PHLPP2: variants seen among roughly 807,000 people sequenced by gnomAD.
PHLPP2 encodes PH domain and leucine rich repeat protein phosphatase 2, also known as PH domain leucine-rich repeat-containing protein phosphatase 2.
A neutral mutation model predicts 124.9 loss-of-function variants in PHLPP2; 66 were observed. That is an observed-to-expected ratio of 0.53 (90% CI 0.43 to 0.65). PHLPP2 has a LOEUF of 0.65. PHLPP2 is among the 30% of genes least tolerant of loss of function. The pLI is 0.00. For synonymous variants in PHLPP2, 681 were observed against 624.7 expected, an observed-to-expected ratio of 1.09 and a Z score of -1.34; for missense variants, 1,685 against 1,600.4, an observed-to-expected ratio of 1.05 and a Z score of -0.90.
Position 71,648,874 on chromosome 16 carries a change from G to A in PHLPP2, c.*16C>T. 1.3e-6 allele frequency: 2 copies of A among 1,592,446 alleles called. No individual in the cohort carries two copies. The highest frequency in any genetic ancestry group is 8.6e-7 in the Non-Finnish European group (1 of 1,162,784). ...ACCCTGCACAGCCTCCTCCCACACT[G>A]TGCCCAGTGGGGCAGTCATAGTGCT... On this transcript the variant is annotated 3_prime_UTR_variant, in exon 19 of 19. Coordinates refer to ENST00000568954, the MANE Select transcript of PHLPP2 (RefSeq NM_015020.3).
chr16:71,698,382 G>A (rs1280097014), intron 3 of PHLPP2, among the ~76,000 whole-genome samples: 2 of 152,136 alleles, frequency 1.3e-5, no homozygotes, highest in Non-Finnish European at 2.9e-5. Flanking sequence ...ACTTCAACTT[G>A]GCCCTACATA....
At chr16:71,674,971 T>G (rs1430175132) in intron 9 of PHLPP2, among the ~76,000 whole-genome samples, 1 of 152,238 alleles carries the variant, frequency 6.6e-6, no homozygotes, top group Non-Finnish European at 1.5e-5. Flanking sequence ...CACTCCAGCC[T>G]GGGCAACAGA....
At chr16:71,675,893 G>T (rs556110436) in intron 9 of PHLPP2, among the ~76,000 whole-genome samples, 1 of 151,988 alleles carries the variant, frequency 6.6e-6, no homozygotes, top group African/African-American at 2.4e-5. Flanking sequence ...GCTAACTTTT[G>T]TATTTTTTGT....
chr16:71,722,839 T>C (rs567602896), intron 1 of PHLPP2, among the ~76,000 whole-genome samples: 3 of 152,240 alleles, frequency 2.0e-5, no homozygotes, highest in Non-Finnish European at 4.4e-5. Flanking sequence ...CAAATGCTAG[T>C]AAAAAACTCC....
chr16:71,654,277 GACAA>G (rs1405340446), intron 17 of PHLPP2, among the ~76,000 whole-genome samples: 2 of 146,694 alleles, frequency 1.4e-5, no homozygotes, highest in Non-Finnish European at 3.0e-5. Context: ...TATACAAGTT[GACAA>G]ACAACCTCTC....
chr16:71,703,303 T>C (rs1444449196), intron 2 of PHLPP2, among the ~76,000 whole-genome samples: 1 of 152,240 alleles, frequency 6.6e-6, no homozygotes, highest in Non-Finnish European at 1.5e-5. Context: ...ACATGTGTTA[T>C]ATCTATTGAT....
intron 6 of PHLPP2, 34 bp from the exon 7 acceptor site, chr16:71,679,569 T>G: frequency 6.4e-7 from 1 of 1,569,060 alleles, no homozygotes; most frequent in Non-Finnish European, 8.8e-7. Context: ...GTATTGCATT[T>G]CAATACATCT....
At chr16:71,699,390 A>G (rs1375870391) in intron 3 of PHLPP2, among the ~76,000 whole-genome samples, 1 of 152,048 alleles carries the variant, frequency 6.6e-6, no homozygotes, top group Admixed American at 6.6e-5. Context: ...AAGACCCCAG[A>G]CTCAGCGAGC....
At position 71,647,701 on chromosome 16, in the gene PHLPP2, G is replaced by A. The variant is rs149295364; in HGVS notation, c.*1189C>T. On this transcript the variant is annotated 3_prime_UTR_variant, in exon 19 of 19. Transcript: ENST00000568954. ...AGACGCCAATCCCTAAATTTCCCTG[G>A]GAAATACCTAGCAGGTATCATATTT... is the stretch of plus-strand genomic sequence containing the variant. 4 of 152,156 alleles carry A rather than the reference G, an allele frequency of 2.6e-5. No homozygotes were observed. The East Asian group carries it at 7.7e-4, about 29-fold the overall frequency. 9.4% of individuals were successfully genotyped at this position (152,156 alleles called of 1,614,324 possible).
At chr16:71,719,488 G>A (rs1019165047) in intron 1 of PHLPP2, among the ~76,000 whole-genome samples, 1 of 152,164 alleles carries the variant, frequency 6.6e-6, no homozygotes, top group Non-Finnish European at 1.5e-5. Flanking sequence ...TGCAGTGAGC[G>A]GAGATCACGC....
chr16:71,697,285 G>T (rs2045182245), intron 3 of PHLPP2, among the ~76,000 whole-genome samples: 1 of 151,938 alleles, frequency 6.6e-6, no homozygotes, highest in Non-Finnish European at 1.5e-5. Flanking sequence ...TGCCATCCTA[G>T]CCCACCAGAC....
At chr16:71,682,988 T>C (rs1201736827) in intron 5 of PHLPP2, among the ~76,000 whole-genome samples, 1 of 152,026 alleles carries the variant, frequency 6.6e-6, no homozygotes, top group African/African-American at 2.4e-5. Flanking sequence ...CTGGCCAACA[T>C]GGTGAAACCC....
At position 71,645,404 on chromosome 16, in the gene PHLPP2, T is replaced by C. The variant is rs1005786985; in HGVS notation, c.*3486A>G. The C allele has an allele frequency of 5.9e-5, 9 of 153,518 alleles. No homozygotes were observed. Among genetic ancestry groups the C allele is most frequent in the Middle Eastern group, 3.4e-3 (1 of 294 alleles). 9.5% of individuals were successfully genotyped at this position (153,518 alleles called of 1,614,324 possible). ...CCCAGAAGGAAGTAAAAAGTGACAC[T>C]AGACAGTCCTATAGTGATGCTGAAG... On this transcript the variant is annotated 3_prime_UTR_variant, in exon 19 of 19. Transcript: ENST00000568954.
chr16:71,679,294 T>A, intron 7 of PHLPP2, 95 bp downstream of exon 7: 1 of 1,098,368 alleles, frequency 9.1e-7, no homozygotes, highest in Non-Finnish European at 1.4e-6. Flanking sequence ...ATGATATAGT[T>A]CACTGCAAGA....
At chr16:71,711,669 T>G (rs1447696470) in intron 2 of PHLPP2, among the ~76,000 whole-genome samples, 1 of 152,232 alleles carries the variant, frequency 6.6e-6, no homozygotes, top group Non-Finnish European at 1.5e-5. Context: ...ACATAAAGCA[T>G]AAGCATTGAT....
At chr16:71,697,313 G>A (rs1425809165) in intron 3 of PHLPP2, among the ~76,000 whole-genome samples, 1 of 152,030 alleles carries the variant, frequency 6.6e-6, no homozygotes, top group Non-Finnish European at 1.5e-5. Context: ...GAGCACCACA[G>A]CCCTGAGAAG....
chr16:71,665,410 T>C (rs1029998512), intron 12 of PHLPP2, among the ~76,000 whole-genome samples: 5 of 152,314 alleles, frequency 3.3e-5, no homozygotes, highest in Non-Finnish European at 7.4e-5. Flanking sequence ...TCTTTGCCAG[T>C]CTAGTAGATA....
chr16:71,670,171 CAT>C (rs2044878521), intron 10 of PHLPP2, among the ~76,000 whole-genome samples: 1 of 152,162 alleles, frequency 6.6e-6, no homozygotes, highest in African/African-American at 2.4e-5. Flanking sequence ...AGAGAAGAAA[CAT>C]ATGATGTGTA....
chr16:71,716,052 A>T (rs532602957), intron 1 of PHLPP2, among the ~76,000 whole-genome samples: 1 of 152,142 alleles, frequency 6.6e-6, no homozygotes, highest in Non-Finnish European at 1.5e-5. Context: ...TCTAATTTAA[A>T]CTTCATCTAA....
Sources: allele counts gnomAD v4.1 joint callset (sites outside exome capture counted in the v4.1 genomes callset), GRCh38; gene constraint gnomAD v4.1.1; transcripts MANE v1.5; gene names NCBI Gene and HGNC (gene_info 2026-07-23, HGNC 2026-07-21).